Variants in CNTN4 observed in about 807,000 individuals in gnomAD.
The protein encoded by CNTN4 is contactin 4.
A neutral mutation model predicts 122.5 loss-of-function variants in CNTN4; 77 were observed. That is an observed-to-expected ratio of 0.63 (90% CI 0.52 to 0.76). CNTN4 has a LOEUF of 0.76. Among genes scored for constraint, CNTN4 ranks in the 30% least tolerant of loss-of-function variants. The pLI is 0.00. For synonymous variants in CNTN4, 512 were observed against 447.0 expected (o/e 1.15, Z -1.83); for missense variants, 1,256 against 1,259.1 (o/e 1.00, Z 0.04).
intron 8 of CNTN4, among the ~76,000 whole-genome samples, chr3:2,872,600 G>A (rs996669266): frequency 3.3e-5 from 5 of 151,966 alleles, no homozygotes; most frequent in Non-Finnish European, 7.4e-5. Context: ...ATATTAACCC[G>A]AATTGGAACT....
intron 4 of CNTN4, among the ~76,000 whole-genome samples, chr3:2,584,700 A>C (rs112452026): frequency 0.018 from 283 of 16,144 alleles, 4 homozygotes; most frequent in Middle Eastern, 0.14. Flanking sequence ...TCCGTCTCAA[A>C]AAAAAAAAAA....
At chr3:2,563,117 C>G (rs1177777126) in intron 3 of CNTN4, among the ~76,000 whole-genome samples, 1 of 151,836 alleles carries the variant, frequency 6.6e-6, no homozygotes, top group Non-Finnish European at 1.5e-5. Flanking sequence ...AATCTCCAAA[C>G]TGCTTTCCAC....
At chr3:2,752,072 A>G (rs2090121321) in intron 6 of CNTN4, among the ~76,000 whole-genome samples, 1 of 152,118 alleles carries the variant, frequency 6.6e-6, no homozygotes, top group African/African-American at 2.4e-5. Flanking sequence ...AAGTTATACA[A>G]TAACTGCTTC....
intron 4 of CNTN4, among the ~76,000 whole-genome samples, chr3:2,686,152 T>G (rs749603180): frequency 1.3e-5 from 2 of 152,176 alleles, no homozygotes; most frequent in Non-Finnish European, 2.9e-5. Flanking sequence ...ATAAGGCCCT[T>G]AACTTGAGAG....
intron 2 of CNTN4, among the ~76,000 whole-genome samples, chr3:2,287,750 A>AGAGGAGGAAGGGGAAGGTGAGGAG (rs2041989482): frequency 7.2e-6 from 1 of 139,340 alleles, no homozygotes; most frequent in African/African-American, 2.8e-5. Flanking sequence ...AAGAAGAAGA[A>AGAGGAGGAAGGGGAAGGTGAGGAG]GAAGAAGAAG....
chr3:2,819,780 C>T (rs2092822116), intron 7 of CNTN4, among the ~76,000 whole-genome samples, 199 bp downstream of exon 7: 1 of 152,124 alleles, frequency 6.6e-6, no homozygotes, highest in African/African-American at 2.4e-5. Context: ...TTTTCCACCC[C>T]ACTGCAGTGT....
At chr3:2,406,091 A>G (rs1343753636) in intron 3 of CNTN4, among the ~76,000 whole-genome samples, 2 of 152,224 alleles carry the variant, frequency 1.3e-5, no homozygotes, top group African/African-American at 4.8e-5. Context: ...TGCAGATGAG[A>G]TACACTGGCA....
chr3:2,452,267 AG>A (rs2048855339), intron 3 of CNTN4, among the ~76,000 whole-genome samples: 1 of 152,172 alleles, frequency 6.6e-6, no homozygotes, highest in South Asian at 2.1e-4. Context: ...TTGGGAAGGA[AG>A]GTCTCTGCAT....
In CNTN4 at chr3:2,724,934, A is replaced by T. The variant is rs78571258; in HGVS notation, c.56-11281A>T. Among the ~76,000 whole-genome samples, 1,330 of 152,310 alleles carry T rather than the reference A, an allele frequency of 8.7e-3. 17 individuals carry two copies. Among genetic ancestry groups the T allele is most frequent in the African/African-American group, 0.03 (1,261 of 41,574 alleles). On this transcript the variant is annotated intron_variant, in intron 4 of 24. Coordinates refer to ENST00000418658, the MANE Select transcript of CNTN4 (RefSeq NM_175607.3). ...GCGTTGGAGAGATAGCTGGGGAAAGAAACGGTGGTTTCTCCCAGTCCCACA... is the reference window on the plus strand; with the variant it reads ...GCGTTGGAGAGATAGCTGGGGAAAGTAACGGTGGTTTCTCCCAGTCCCACA...
chr3:2,717,496 C>G (rs2087568647), intron 4 of CNTN4, among the ~76,000 whole-genome samples: 3 of 152,186 alleles, frequency 2.0e-5, no homozygotes, highest in Admixed American at 2.0e-4. Context: ...CCTCTGATTT[C>G]CTCCAGTCTT....
chr3:2,951,259 G>C (rs928483957), intron 13 of CNTN4, among the ~76,000 whole-genome samples: 1 of 152,202 alleles, frequency 6.6e-6, no homozygotes, highest in Admixed American at 6.5e-5. Flanking sequence ...GATGGCGGGT[G>C]GGGTGGGAGG....
chr3:2,149,128 C>T (rs931717578), intron 2 of CNTN4, among the ~76,000 whole-genome samples: 17 of 152,042 alleles, frequency 1.1e-4, no homozygotes, highest in African/African-American at 4.1e-4. Context: ...AGGCAAATTT[C>T]CCAGTGTGTG....
chr3:2,169,453 C>T (rs1275068159), intron 2 of CNTN4, among the ~76,000 whole-genome samples: 1 of 152,060 alleles, frequency 6.6e-6, no homozygotes, highest in Admixed American at 6.6e-5. Context: ...GTCACTCAGG[C>T]TGGAGTGCGG....
intron 2 of CNTN4, among the ~76,000 whole-genome samples, chr3:2,216,615 A>G (rs2038852283): frequency 6.6e-6 from 1 of 152,184 alleles, no homozygotes. Context: ...TGTTAACAAT[A>G]TTAATATTTT....
intron 4 of CNTN4, among the ~76,000 whole-genome samples, chr3:2,729,373 G>C (rs576392585): frequency 2.0e-5 from 3 of 146,570 alleles, no homozygotes; most frequent in Non-Finnish European, 4.5e-5. Flanking sequence ...GACCATCCCG[G>C]CTAACACAAA....
At chr3:2,719,207 A>G (rs576613366) in intron 4 of CNTN4, among the ~76,000 whole-genome samples, 3 of 152,294 alleles carry the variant, frequency 2.0e-5, no homozygotes, top group African/African-American at 7.2e-5. Context: ...TTGTTGAATT[A>G]GTCAATGAAT....
At chr3:2,571,588 T>G (rs2079421133) in intron 4 of CNTN4, 30 bp downstream of exon 4, 2 of 1,530,496 alleles carry the variant, frequency 1.3e-6, no homozygotes, top group Non-Finnish European at 1.8e-6. Context: ...CTTTTTGATT[T>G]AGAAATGCCA....
In CNTN4 at chr3:2,709,591, A is replaced by G. The variant is rs1221570922; in HGVS notation, c.56-26624A>G. ...ATAAAATGAACAATTTCACATATTG[A>G]AAAATGTTTTTAATAATTAATCATT... On this transcript the variant is annotated intron_variant, in intron 4 of 24. Transcript: ENST00000418658. This position sits in a 1 kb window ranked among gnomAD's most constrained non-coding sequence, Gnocchi z 5.0. Among the ~76,000 whole-genome samples the G allele has an allele frequency of 6.6e-6, 1 of 152,176 alleles. No individual in the cohort carries two copies. The highest frequency in any genetic ancestry group is 1.5e-5 in the Non-Finnish European group (1 of 68,026).
intron 12 of CNTN4, among the ~76,000 whole-genome samples, chr3:2,903,549 G>A (rs984171170): frequency 6.6e-6 from 1 of 152,092 alleles, no homozygotes; most frequent in Non-Finnish European, 1.5e-5. Context: ...CAGGCCACTG[G>A]TACATACTGA....
Sources: gnomAD v4.1 joint callset for allele counts (sites outside exome capture counted in the v4.1 genomes callset) on GRCh38, gnomAD v4.1.1 for gene constraint, Gnocchi (gnomAD v3.1) non-coding constraint, MANE v1.5 for transcripts, NCBI Gene and HGNC (gene_info 2026-07-23, HGNC 2026-07-21) for gene names.